NEDD4L: variants seen among roughly 807,000 people sequenced by gnomAD.
NEDD4L encodes the protein NEDD4 like E3 ubiquitin protein ligase.
A neutral mutation model predicts 148.9 loss-of-function variants in NEDD4L; 54 were observed. The observed-to-expected ratio is 0.36, with a 90% CI of 0.29 to 0.45. The LOEUF is 0.45. Ranked by LOEUF, NEDD4L falls within the 20% of genes least tolerant of loss-of-function variation. The probability of loss-of-function intolerance (pLI) is 1.00; values close to 1 mark genes in which losing one functional copy is unlikely to be tolerated. For synonymous variants in NEDD4L, 433 were observed against 440.7 expected, an observed-to-expected ratio of 0.98 and a Z score of 0.22; for missense variants, 856 against 1,233.8, an observed-to-expected ratio of 0.69 and a Z score of 4.59.
chr18:58,096,968 C>G (rs527653344), intron 1 of NEDD4L, among the ~76,000 whole-genome samples: 1 of 152,264 alleles, frequency 6.6e-6, no homozygotes, highest in South Asian at 2.1e-4. Flanking sequence ...TCTATTTATT[C>G]TCTTTCTATT....
In NEDD4L at chr18:58,322,439, C is replaced by G. The variant is rs779991930; in HGVS notation, c.363C>G (p.Thr121=). The G allele has an allele frequency of 1.9e-6, 3 of 1,608,586 alleles. No homozygotes were observed. Among genetic ancestry groups the G allele is most frequent in the Non-Finnish European group, 2.6e-6 (3 of 1,175,908 alleles). The change falls in exon 7 of 31, where the codon ACC becomes ACG. Residue 121 remains threonine, a synonymous_variant. Coordinates refer to ENST00000400345, the MANE Select transcript of NEDD4L (RefSeq NM_001144967.3). ...TTTCCCCACAGACAGAAGATCCAACCATGGAGCGACCCTATACATTTAAGG... is the reference window on the plus strand; with the variant it reads ...TTTCCCCACAGACAGAAGATCCAACGATGGAGCGACCCTATACATTTAAGG... The part of the protein sequence containing the change: ...PLSHLPTEDP[T]MERPYTFKDF...
At chr18:58,065,913 G>A (rs2082567813) in intron 1 of NEDD4L, among the ~76,000 whole-genome samples, 1 of 152,104 alleles carries the variant, frequency 6.6e-6, no homozygotes, top group South Asian at 2.1e-4. Context: ...GGTTGAGGAG[G>A]GTATTGAATG....
At chr18:58,149,283 G>A (rs1299119839) in intron 1 of NEDD4L, 1 of 799,150 alleles carries the variant, frequency 1.3e-6, no homozygotes. Context: ...GTGTCCAGGT[G>A]GCAGGTTCAT....
chr18:58,214,385 A>G (rs1168418314), intron 2 of NEDD4L, among the ~76,000 whole-genome samples: 1 of 152,202 alleles, frequency 6.6e-6, no homozygotes, highest in South Asian at 2.1e-4. Context: ...AGTCTGAATC[A>G]GAGAAAGAGA....
At chr18:58,153,328 G>C (rs995306382) in intron 1 of NEDD4L, among the ~76,000 whole-genome samples, 2 of 148,996 alleles carry the variant, frequency 1.3e-5, no homozygotes, top group African/African-American at 2.5e-5. Flanking sequence ...AGTGGGAAGA[G>C]ATTGACTTTT....
At position 58,352,797 on chromosome 18, in the gene NEDD4L, C is replaced by T. The variant is rs1429418138; in HGVS notation, c.1708+1752C>T. On this transcript the variant is annotated intron_variant, in intron 18 of 30. Transcript: ENST00000400345. ...ATCCTGGTCTGTGACGCATGGAGAG[C>T]ATTGCACACAATATTGTGACAGTTT... 2.6e-5 allele frequency among the ~76,000 whole-genome samples: 4 copies of T among 152,194 alleles called. No individual in the cohort carries two copies. In the East Asian group the frequency reaches 5.8e-4, roughly 22 times the overall value.
In NEDD4L at chr18:58,397,656, G is replaced by C. The variant is rs1403709859; in HGVS notation, c.*1387G>C. The stretch of plus-strand genomic sequence containing the variant: ...TAGATTAAAAGTGAGACAGAGACTT[G>C]ACTTGATCCTCTGAGCTCAAGCTAT... On this transcript the variant is annotated 3_prime_UTR_variant, in exon 31 of 31. Transcript: ENST00000400345. 1 of 152,606 alleles carries C rather than the reference G, an allele frequency of 6.6e-6. No homozygotes were observed. Among genetic ancestry groups the C allele is most frequent in the Non-Finnish European group, 1.5e-5 (1 of 68,048 alleles). 9.5% of individuals were successfully genotyped at this position (152,606 alleles called of 1,614,324 possible). A position where few individuals can be genotyped will look rare whatever the true frequency, so the allele number is the denominator to read the frequency against.
intron 1 of NEDD4L, among the ~76,000 whole-genome samples, chr18:58,102,883 T>TAA (rs2084841276): frequency 6.6e-6 from 1 of 152,174 alleles, no homozygotes; most frequent in Non-Finnish European, 1.5e-5. Flanking sequence ...ATAAAATAAA[T>TAA]AAAATATGTA....
In NEDD4L at chr18:58,082,094, ATATATATAT is replaced by A. The variant is rs2083467221; in HGVS notation, c.48+37388_48+37396del. On this transcript the variant is annotated intron_variant, in intron 1 of 30. Coordinates refer to ENST00000400345, the MANE Select transcript of NEDD4L (RefSeq NM_001144967.3). Reference sequence around the variant, plus strand: ...CTTTCTGATGAATATATATATATATATATATATATTTTTTTTTTTTTTTTTTTCTTGAGA... The same window carrying A: ...CTTTCTGATGAATATATATATATATATTTTTTTTTTTTTTTTTTCTTGAGA... 3.9e-5 allele frequency among the ~76,000 whole-genome samples: 3 copies of A among 76,866 alleles called. No individual in the cohort carries two copies. The South Asian group carries it at 1.1e-3, about 27-fold the overall frequency. 50.4% of individuals were successfully genotyped at this position (76,866 alleles called of 152,430 possible). A position where few individuals can be genotyped will look rare whatever the true frequency, so the allele number is the denominator to read the frequency against.
At chr18:58,181,762 A>G (rs1264895605) in intron 2 of NEDD4L, among the ~76,000 whole-genome samples, 2 of 152,314 alleles carry the variant, frequency 1.3e-5, no homozygotes, top group African/African-American at 4.8e-5. Flanking sequence ...CATGCTGTTT[A>G]TGGTAACAGC....
At chr18:58,136,132 G>T (rs1460658357) in intron 1 of NEDD4L, among the ~76,000 whole-genome samples, 1 of 151,830 alleles carries the variant, frequency 6.6e-6, no homozygotes, top group Non-Finnish European at 1.5e-5. Flanking sequence ...ACATGCTGAG[G>T]GTGTTTCATG....
At chr18:58,393,274 C>T (rs1417805251) in intron 30 of NEDD4L, among the ~76,000 whole-genome samples, 1 of 152,206 alleles carries the variant, frequency 6.6e-6, no homozygotes, top group Non-Finnish European at 1.5e-5. Context: ...TGGTTCTCAA[C>T]CTCAGCTGCA....
In NEDD4L at chr18:58,131,593, G is replaced by A. The variant is rs181327796; in HGVS notation, c.49-34195G>A. On this transcript the variant is annotated intron_variant, in intron 1 of 30. Transcript: ENST00000400345. ...TGGATTTGGTTGGTTGTGATCTAGT[G>A]GAACTGTGGCAGTGTTGGCCTTTGT... Among the ~76,000 whole-genome samples, 261 of 149,634 alleles carry A rather than the reference G, an allele frequency of 1.7e-3. 1 individual carries two copies. Among genetic ancestry groups the A allele is most frequent in the Middle Eastern group, 0.014 (4 of 278 alleles).
chr18:58,112,465 T>A (rs958457943), intron 1 of NEDD4L, among the ~76,000 whole-genome samples: 1 of 151,482 alleles, frequency 6.6e-6, no homozygotes, highest in Non-Finnish European at 1.5e-5. Context: ...AGTATGTATA[T>A]ATATATAGAG....
chr18:58,315,448 G>A (rs1039257426), intron 5 of NEDD4L, among the ~76,000 whole-genome samples: 6 of 151,588 alleles, frequency 4.0e-5, no homozygotes, highest in African/African-American at 1.5e-4. Flanking sequence ...CGTGGACTCT[G>A]AAGCAGTGCA....
chr18:58,239,725 C>G (rs910735885), intron 2 of NEDD4L, among the ~76,000 whole-genome samples: 1 of 152,236 alleles, frequency 6.6e-6, no homozygotes, highest in Non-Finnish European at 1.5e-5. Flanking sequence ...ATCTCATTCT[C>G]AACTCTCCCT....
intron 2 of NEDD4L, among the ~76,000 whole-genome samples, chr18:58,182,639 A>G (rs148417583): frequency 0.016 from 2,436 of 149,364 alleles, 54 homozygotes; most frequent in African/African-American, 0.058. Flanking sequence ...CTGCCACCAC[A>G]CCCAGCTAAT....
chr18:58,145,134 G>A (rs533870042), intron 1 of NEDD4L, among the ~76,000 whole-genome samples: 13 of 152,224 alleles, frequency 8.5e-5, no homozygotes, highest in Admixed American at 5.2e-4. Context: ...ATGCTGGGAC[G>A]GTGCTTCCCC....
chr18:58,071,120 A>G (rs371001454), intron 1 of NEDD4L, among the ~76,000 whole-genome samples: 1 of 152,198 alleles, frequency 6.6e-6, no homozygotes, highest in South Asian at 2.1e-4. Context: ...TGTTGGGCAT[A>G]CTTAAAACTT....
Sources: gnomAD v4.1 joint callset for allele counts (sites outside exome capture counted in the v4.1 genomes callset) on GRCh38, gnomAD v4.1.1 for gene constraint, MANE v1.5 for transcripts, NCBI Gene and HGNC (gene_info 2026-07-23, HGNC 2026-07-21) for gene names.